The following SGCZ variants were observed in gnomAD, a reference collection of about 807,000 sequenced individuals.
SGCZ encodes the protein zeta-sarcoglycan.
In SGCZ, 40 loss-of-function variants were observed where a neutral mutation model predicts 41.3. That is an observed-to-expected ratio of 0.97 (90% confidence interval 0.75 to 1.26). SGCZ has a LOEUF of 1.26. Ranked by LOEUF, SGCZ falls within the 50% of genes most tolerant of loss-of-function variation. The probability of loss-of-function intolerance (pLI) is 0.00; values close to 1 mark genes in which losing one functional copy is unlikely to be tolerated. For synonymous variants in SGCZ, 206 were observed against 137.5 expected, an observed-to-expected ratio of 1.50 and a Z score of -3.49; for missense variants, 552 against 369.8, an observed-to-expected ratio of 1.49 and a Z score of -4.04.
chr8:14,392,343 T>C (rs927497124), intron 2 of SGCZ, among the ~76,000 whole-genome samples: 6 of 152,172 alleles, frequency 3.9e-5, no homozygotes, highest in Non-Finnish European at 7.4e-5. Flanking sequence ...AAAAATTGAT[T>C]CTCAAATTTA....
Position 15,185,541 on chromosome 8 carries a change from G to C in SGCZ, c.39+52044C>G, listed in dbSNP as rs541925749. 3.3e-5 allele frequency among the ~76,000 whole-genome samples: 5 copies of C among 151,932 alleles called. 1 individual carries two copies. The South Asian group carries it at 1.0e-3, about 32-fold the overall frequency. On this transcript the variant is annotated intron_variant, in intron 1 of 7. Transcript: ENST00000382080. ...ATATGAGAAATCTATTTATTGCCTC[G>C]ATATCTTTATATCTGTCTAGTCATG...
At chr8:14,274,388 C>G (rs146909203) in intron 3 of SGCZ, among the ~76,000 whole-genome samples, 1 of 152,098 alleles carries the variant, frequency 6.6e-6, no homozygotes, top group African/African-American at 2.4e-5. Context: ...AATATTTCAC[C>G]TTACTAAGCT....
chr8:14,160,732 C>T (rs975191573), intron 5 of SGCZ, among the ~76,000 whole-genome samples: 14 of 152,064 alleles, frequency 9.2e-5, no homozygotes, highest in African/African-American at 3.4e-4. Context: ...CTTCTGTGTC[C>T]TCACACCCAT....
chr8:15,049,620 G>C (rs779203693), intron 1 of SGCZ, among the ~76,000 whole-genome samples: 3 of 152,150 alleles, frequency 2.0e-5, no homozygotes, highest in Non-Finnish European at 2.9e-5. Flanking sequence ...GCGCAGCTAG[G>C]TAAGTTATGC....
At chr8:14,790,337 AAAT>A (rs1284872965) in intron 1 of SGCZ, among the ~76,000 whole-genome samples, 1 of 152,216 alleles carries the variant, frequency 6.6e-6, no homozygotes, top group Non-Finnish European at 1.5e-5. Flanking sequence ...ATATAATTAA[AAAT>A]AATGACAGCA....
intron 1 of SGCZ, among the ~76,000 whole-genome samples, chr8:14,555,525 A>G (rs1449463034): frequency 6.6e-6 from 1 of 152,010 alleles, no homozygotes; most frequent in African/African-American, 2.4e-5. Context: ...AGGCCTCCCC[A>G]GAAGCAAAAG....
intron 1 of SGCZ, among the ~76,000 whole-genome samples, chr8:14,738,328 C>T (rs577002821): frequency 1.3e-5 from 2 of 151,960 alleles, no homozygotes; most frequent in South Asian, 4.2e-4. Context: ...TTCCTGGTTC[C>T]CTCTCCTTCA....
intron 1 of SGCZ, among the ~76,000 whole-genome samples, chr8:14,789,543 C>A (rs1800881343): frequency 6.6e-6 from 1 of 152,122 alleles, no homozygotes; most frequent in Non-Finnish European, 1.5e-5. Context: ...ATTTTAGTAT[C>A]TAAAACTTAC....
chr8:14,237,464 C>G (rs1390113010), intron 4 of SGCZ, 128 bp downstream of exon 4: 6 of 857,336 alleles, frequency 7.0e-6, no homozygotes, highest in Non-Finnish European at 1.1e-5. Context: ...AGCCTGGTGA[C>G]AGAGTGAGAC....
At chr8:14,314,480 G>C (rs1054363206) in intron 3 of SGCZ, among the ~76,000 whole-genome samples, 1 of 152,112 alleles carries the variant, frequency 6.6e-6, no homozygotes, top group South Asian at 2.1e-4. Flanking sequence ...TCCAGTCATA[G>C]TATTGACTTT....
chr8:14,986,238 G>T (rs1051150427), intron 1 of SGCZ, among the ~76,000 whole-genome samples: 2 of 152,020 alleles, frequency 1.3e-5, no homozygotes, highest in Non-Finnish European at 2.9e-5. Flanking sequence ...TACATGTACA[G>T]AACATTCTTA....
intron 1 of SGCZ, among the ~76,000 whole-genome samples, chr8:15,114,184 T>A (rs2116935549): frequency 6.6e-6 from 1 of 152,306 alleles, no homozygotes; most frequent in South Asian, 2.1e-4. Context: ...GTAATCAAGT[T>A]TCTGATCAAA....
chr8:14,978,470 CAAAAAAAAAAAAAAAAAA>C (rs59543494), intron 1 of SGCZ, among the ~76,000 whole-genome samples: 14 of 62,822 alleles, frequency 2.2e-4, no homozygotes, highest in South Asian at 1.3e-3. Context: ...GACACCGTCA[CAAAAAAAAAAAAAAAAAA>C]AAAAAAAAAA....
At chr8:14,779,357 C>A (rs1666018837) in intron 1 of SGCZ, among the ~76,000 whole-genome samples, 1 of 152,168 alleles carries the variant, frequency 6.6e-6, no homozygotes, top group African/African-American at 2.4e-5. Flanking sequence ...GCAGAGAAGT[C>A]AATTTTCCAG....
chr8:15,000,226 T>C (rs1329191052), intron 1 of SGCZ, among the ~76,000 whole-genome samples: 1 of 152,174 alleles, frequency 6.6e-6, no homozygotes, highest in Non-Finnish European at 1.5e-5. Flanking sequence ...ACCTTGATCT[T>C]GGACTTCCAG....
intron 1 of SGCZ, among the ~76,000 whole-genome samples, chr8:14,739,551 T>C (rs747882502): frequency 1.3e-5 from 2 of 152,036 alleles, no homozygotes; most frequent in Non-Finnish European, 2.9e-5. Context: ...ACCACAAAAC[T>C]CTAAAGCAAA....
intron 2 of SGCZ, among the ~76,000 whole-genome samples, chr8:14,347,787 ACTGT>A (rs1802943027): frequency 6.6e-6 from 1 of 152,078 alleles, no homozygotes; most frequent in Admixed American, 6.6e-5. Flanking sequence ...TTCTATTTAC[ACTGT>A]CTGTGTACTT....
At chr8:14,659,713 G>T (rs1036013651) in intron 1 of SGCZ, among the ~76,000 whole-genome samples, 1 of 152,102 alleles carries the variant, frequency 6.6e-6, no homozygotes, top group East Asian at 1.9e-4. Context: ...TAGGTCACAG[G>T]AAATTCATGA....
rs71209091 is a variant in SGCZ, at chr8:14,927,102, C to CTTTTTTT, written c.39+310476_39+310482dup. 1.5e-4 allele frequency among the ~76,000 whole-genome samples: 12 copies of CTTTTTTT among 82,682 alleles called. 1 individual carries two copies. Among genetic ancestry groups the CTTTTTTT allele is most frequent in the African/African-American group, 2.0e-4 (4 of 19,764 alleles). 54.2% of individuals were successfully genotyped at this position (82,682 alleles called of 152,430 possible). On this transcript the variant is annotated intron_variant, in intron 1 of 7. Transcript: ENST00000382080. ...TATCAAAGTATCAAAGTTCCTGATT[C>CTTTTTTT]TTTTTTTTTTTTTTTTTTTTTTGTG... is the stretch of plus-strand genomic sequence containing the variant.
Sources: allele counts gnomAD v4.1 joint callset (sites outside exome capture counted in the v4.1 genomes callset), GRCh38; gene constraint gnomAD v4.1.1; transcripts MANE v1.5; gene names NCBI Gene and HGNC (gene_info 2026-07-23, HGNC 2026-07-21).